Variants in CNBD1 observed in about 807,000 individuals in gnomAD.
CNBD1 encodes the protein cyclic nucleotide binding domain containing 1, also known as cyclic nucleotide-binding domain-containing protein 1.
In CNBD1, 71 loss-of-function variants were observed where a neutral mutation model predicts 54.4. The observed-to-expected ratio is 1.30, with a 90% CI of 1.08 to 1.59. The LOEUF (loss-of-function observed/expected upper bound fraction) is 1.59, where lower values mean the gene tolerates loss of function less well. Ranked by LOEUF, CNBD1 falls within the 40% of genes most tolerant of loss-of-function variation. The probability of loss-of-function intolerance (pLI) is 0.00; values close to 1 mark genes in which losing one functional copy is unlikely to be tolerated. For synonymous variants in CNBD1, 182 were observed against 170.7 expected (o/e 1.07, Z -0.51); for missense variants, 659 against 518.0 (o/e 1.27, Z -2.64).
intron 4 of CNBD1, among the ~76,000 whole-genome samples, chr8:87,177,356 G>T (rs541622599): frequency 6.6e-6 from 1 of 152,184 alleles, no homozygotes; most frequent in African/African-American, 2.4e-5. Context: ...GAATCTCACA[G>T]TGTTGAAAAC....
chr8:87,011,180 G>GTT (rs200701648), intron 4 of CNBD1, among the ~76,000 whole-genome samples: 19 of 128,848 alleles, frequency 1.5e-4, no homozygotes, highest in African/African-American at 4.4e-4. Context: ...TTAGAGTTTG[G>GTT]TTTTTTTTTT....
intron 4 of CNBD1, among the ~76,000 whole-genome samples, chr8:87,092,365 G>GTGTA (rs1161481429): frequency 1.3e-5 from 2 of 149,480 alleles, no homozygotes; most frequent in South Asian, 2.1e-4. Flanking sequence ...GTGTGTGTGT[G>GTGTA]TGTATGTATG....
In CNBD1 at chr8:87,351,347, G is replaced by T. The variant is rs766505557; in HGVS notation, c.1043-338G>T. Among the ~76,000 whole-genome samples, 9 of 152,134 alleles carry T rather than the reference G, an allele frequency of 5.9e-5. No homozygotes were observed. The East Asian group carries it at 7.7e-4, about 13-fold the overall frequency. ...TCAGAAATTTCAAATGAGCCATGGT[G>T]GAAATATTTAGACCTTGGAACTCAG... On this transcript the variant is annotated intron_variant, in intron 8 of 10. Coordinates refer to ENST00000518476, the MANE Select transcript of CNBD1 (RefSeq NM_173538.3).
At chr8:87,019,563 A>C (rs1362277173) in intron 4 of CNBD1, among the ~76,000 whole-genome samples, 1 of 152,154 alleles carries the variant, frequency 6.6e-6, no homozygotes, top group East Asian at 1.9e-4. Flanking sequence ...TATATCTATA[A>C]AGATAAATTA....
chr8:87,089,889 C>T (rs1811172477), intron 4 of CNBD1, among the ~76,000 whole-genome samples: 1 of 151,872 alleles, frequency 6.6e-6, no homozygotes, highest in African/African-American at 2.4e-5. Context: ...TAATAAATTC[C>T]TGAAAAATTA....
chr8:87,288,744 A>C (rs944462158), intron 8 of CNBD1, among the ~76,000 whole-genome samples: 2 of 152,068 alleles, frequency 1.3e-5, no homozygotes, highest in African/African-American at 4.8e-5. Flanking sequence ...ACAATCTGTG[A>C]GTCTATTGAA....
chr8:87,266,088 G>T (rs1410552170), intron 6 of CNBD1, among the ~76,000 whole-genome samples: 2 of 151,698 alleles, frequency 1.3e-5, no homozygotes, highest in African/African-American at 4.8e-5. Context: ...ATCACAGAAG[G>T]GTTCAATATA....
chr8:87,337,756 CCA>C (rs950348451), intron 8 of CNBD1, among the ~76,000 whole-genome samples: 1 of 152,176 alleles, frequency 6.6e-6, no homozygotes, highest in African/African-American at 2.4e-5. Context: ...AGCTGTTGCA[CCA>C]CAGTGTTCTT....
At chr8:87,257,719 C>T (rs1333675126) in intron 6 of CNBD1, among the ~76,000 whole-genome samples, 1 of 152,098 alleles carries the variant, frequency 6.6e-6, no homozygotes, top group Non-Finnish European at 1.5e-5. Context: ...AGGTATATAG[C>T]ACTGATAACT....
intron 10 of CNBD1, among the ~76,000 whole-genome samples, chr8:87,377,837 T>C (rs1479176384): frequency 3.3e-5 from 5 of 150,702 alleles, no homozygotes; most frequent in Admixed American, 2.7e-4. Context: ...TTTTTAATGA[T>C]TGCCATTCTA....
chr8:86,933,382 C>T (rs1049468289), intron 3 of CNBD1, among the ~76,000 whole-genome samples: 16 of 152,174 alleles, frequency 1.1e-4, no homozygotes, highest in Middle Eastern at 3.4e-3. Flanking sequence ...CTTTGTGGTA[C>T]ATACATATAA....
chr8:87,067,498 A>G (rs564109506), intron 4 of CNBD1, among the ~76,000 whole-genome samples: 1 of 152,016 alleles, frequency 6.6e-6, no homozygotes, highest in Admixed American at 6.6e-5. Flanking sequence ...TAAAAATTTC[A>G]TGAGATACAG....
intron 4 of CNBD1, among the ~76,000 whole-genome samples, chr8:86,960,501 G>A (rs1415443929): frequency 1.3e-5 from 2 of 152,112 alleles, no homozygotes; most frequent in Non-Finnish European, 2.9e-5. Flanking sequence ...TGAACTGGGT[G>A]GAGCCCACCT....
At position 87,145,629 on chromosome 8, in the gene CNBD1, A is replaced by G. The variant is rs563748794; in HGVS notation, c.432-60364A>G. ...GAAAAACCATAGCATATAAGATGGGATTGATTAGATTTCAAGTGTTGGAAA... is the reference window on the plus strand; with the variant it reads ...GAAAAACCATAGCATATAAGATGGGGTTGATTAGATTTCAAGTGTTGGAAA... On this transcript the variant is annotated intron_variant, in intron 4 of 10. Transcript: ENST00000518476. Among the ~76,000 whole-genome samples the G allele has an allele frequency of 2.9e-3, 440 of 152,316 alleles. 1 individual carries two copies. The highest frequency in any genetic ancestry group is 0.01 in the African/African-American group (426 of 41,572).
chr8:86,995,338 G>A lies in CNBD1; in HGVS notation c.431+55584G>A, dbSNP rs143304598. Reference sequence around the variant, plus strand: ...TAGTAAATGTCTGTTGCAACTACTCGATTCTGCATTATACTGCAGAAACAG... The same window carrying A: ...TAGTAAATGTCTGTTGCAACTACTCAATTCTGCATTATACTGCAGAAACAG... On this transcript the variant is annotated intron_variant, in intron 4 of 10. Coordinates refer to ENST00000518476, the MANE Select transcript of CNBD1 (RefSeq NM_173538.3). Among the ~76,000 whole-genome samples, 301 of 152,286 alleles carry A rather than the reference G, an allele frequency of 2.0e-3. 1 individual carries two copies. The highest frequency in any genetic ancestry group is 6.5e-3 in the African/African-American group (271 of 41,568).
intron 10 of CNBD1, among the ~76,000 whole-genome samples, chr8:87,377,605 A>G (rs1482794643): frequency 2.6e-5 from 4 of 151,346 alleles, no homozygotes; most frequent in African/African-American, 4.9e-5. Context: ...TAATGCCGCA[A>G]TAAACATACG....
At chr8:87,407,883 A>G (rs1401371613) in intron 2 of CNBD1, among the ~76,000 whole-genome samples, 1 of 151,998 alleles carries the variant, frequency 6.6e-6, no homozygotes, top group African/African-American at 2.4e-5. Context: ...TTATTTATAT[A>G]CATGAGTTAG....
At chr8:87,306,739 A>G (rs902825725) in intron 8 of CNBD1, among the ~76,000 whole-genome samples, 4 of 151,606 alleles carry the variant, frequency 2.6e-5, no homozygotes, top group African/African-American at 9.7e-5. Context: ...AGAATGACAC[A>G]ATGGACTTTG....
intron 4 of CNBD1, among the ~76,000 whole-genome samples, chr8:87,047,174 T>C (rs184512141): frequency 2.6e-5 from 4 of 152,318 alleles, no homozygotes; most frequent in Admixed American, 2.6e-4. Context: ...TTTCCTCTGC[T>C]TTCAAAGCAG....
Sources: gnomAD v4.1 joint callset for allele counts (sites outside exome capture counted in the v4.1 genomes callset) on GRCh38, gnomAD v4.1.1 for gene constraint, MANE v1.5 for transcripts, NCBI Gene and HGNC (gene_info 2026-07-23, HGNC 2026-07-21) for gene names.